MILR1: variants seen among roughly 807,000 people sequenced by gnomAD.
The protein encoded by MILR1 is allergin-1.
A neutral mutation model predicts 18.5 loss-of-function variants in MILR1; 31 were observed. That is an observed-to-expected ratio of 1.68 (90% CI 1.26 to 2.26). The LOEUF (loss-of-function observed/expected upper bound fraction) is 2.26. Ranked by LOEUF, MILR1 falls within the 30% of genes most tolerant of loss-of-function variation. The pLI is 0.00. For synonymous variants in MILR1, 85 were observed against 56.2 expected (o/e 1.51, Z -2.30); for missense variants, 257 against 157.4 (o/e 1.63, Z -3.38).
At position 64,452,682 on chromosome 17, in the gene MILR1, A is replaced by G; in HGVS notation, c.183A>G (p.Lys61=). 1 of 473,716 alleles carries G rather than the reference A, an allele frequency of 2.1e-6. No homozygotes were observed. The allele number at this position is 473,716 out of a possible 1,614,324, so 29.3% of individuals were successfully genotyped here. The change falls in exon 3 of 10, where the codon AAA becomes AAG. Residue 61 remains lysine (K), a synonymous_variant. Transcript: ENST00000619286. ...NVSMFCSHKN[K]SLQITYSLFR... ...CTATGTTTTGTTCCCATAAGAACAA[A>G]TCACTGCAGATCACCTATTCATTGT...
chr17:64,457,306 G>C (rs1252179935), intron 3 of MILR1, 94 bp from the exon 4 acceptor site: 2 of 414,558 alleles, frequency 4.8e-6, no homozygotes, highest in Non-Finnish European at 8.7e-6. Context: ...TGGTTCCACA[G>C]CCTGGAGTGG....
At chr17:64,465,201 G>A (rs1598102694) in intron 5 of MILR1, among the ~76,000 whole-genome samples, 1 of 152,202 alleles carries the variant, frequency 6.6e-6, no homozygotes, top group East Asian at 1.9e-4. Context: ...GCTAGTTCAG[G>A]CATAATCTGA....
the MILR1 span, among the ~76,000 whole-genome samples, chr17:64,482,119 T>C: frequency 4.3e-3 from 630 of 145,256 alleles, 5 homozygotes; most frequent in African/African-American, 0.015. Context: ...TTTTTTTTTT[T>C]CTGAAGCAGG....
downstream of MILR1, among the ~76,000 whole-genome samples, chr17:64,471,606 G>A (rs1365963316): frequency 1.3e-5 from 2 of 152,208 alleles, no homozygotes; most frequent in African/African-American, 2.4e-5. Context: ...GGACACAGAG[G>A]TGGCAGATAC....
At chr17:64,496,789 G>A in the MILR1 span, 2 of 1,613,590 alleles carry the variant, frequency 1.2e-6, no homozygotes, top group South Asian at 1.1e-5. Flanking sequence ...CTCCAGACCC[G>A]GGGGCTTCTG....
chr17:64,482,041 C>T, the MILR1 span, among the ~76,000 whole-genome samples: 1 of 150,364 alleles, frequency 6.7e-6, no homozygotes, highest in African/African-American at 2.4e-5. Context: ...CTTTAACACA[C>T]TTCAAAATTA....
At chr17:64,486,514 A>G in the MILR1 span, among the ~76,000 whole-genome samples, 4 of 151,938 alleles carry the variant, frequency 2.6e-5, no homozygotes, top group Non-Finnish European at 5.9e-5. Flanking sequence ...GGCACACACC[A>G]CCATGTCTGG....
rs554083598 is a variant in MILR1 at position 64,466,632 on chromosome 17, G to A, written c.949G>A (p.Val317Met). The A allele has an allele frequency of 3.9e-5, 63 of 1,610,130 alleles. No homozygotes were observed. The highest frequency in any genetic ancestry group is 3.2e-4 in the Admixed American group (19 of 59,332). ...CCAGGAGCTACAGTATGCCACCCCCGTGTTCCAGGAGGTGGCACCAAGAGA... is the reference window on the plus strand; with the variant it reads ...CCAGGAGCTACAGTATGCCACCCCCATGTTCCAGGAGGTGGCACCAAGAGA... ...HSQELQYATP[V>M]FQEVAPREQE... is the part of the protein sequence containing the mutation. Residue 317 changes from valine (V) to methionine (M), a missense_variant, in exon 8 of 10, where the codon GTG (valine) becomes ATG (methionine). By Grantham distance (21) the Val-to-Met change is conservative. Coordinates refer to ENST00000619286, the MANE Select transcript of MILR1 (RefSeq NM_001085423.2).
chr17:64,494,584 G>A, the MILR1 span, among the ~76,000 whole-genome samples: 3 of 150,632 alleles, frequency 2.0e-5, no homozygotes, highest in Admixed American at 6.6e-5. Context: ...TCTTCCCCCC[G>A]CCCCCGACCT....
At chr17:64,493,633 C>T in the MILR1 span, among the ~76,000 whole-genome samples, 8 of 151,944 alleles carry the variant, frequency 5.3e-5, no homozygotes, top group African/African-American at 7.3e-5. Context: ...TACAGGCGCC[C>T]GCCACCACGC....
At chr17:64,491,736 T>C in the MILR1 span, 3 of 803,716 alleles carry the variant, frequency 3.7e-6, no homozygotes, top group Admixed American at 5.4e-5. Context: ...GCTCTTCATC[T>C]ACTGCCTTTC....
the MILR1 span, among the ~76,000 whole-genome samples, chr17:64,488,721 C>G: frequency 7.2e-5 from 11 of 152,092 alleles, no homozygotes; most frequent in South Asian, 2.1e-4. Context: ...AAATGTTCAC[C>G]AGTTAATAAG....
At chr17:64,488,104 CTA>C in the MILR1 span, among the ~76,000 whole-genome samples, 1 of 152,020 alleles carries the variant, frequency 6.6e-6, no homozygotes, top group African/African-American at 2.4e-5. Context: ...TGGTTTACGC[CTA>C]TAATCCCAGC....
At chr17:64,486,259 G>T in the MILR1 span, among the ~76,000 whole-genome samples, 1 of 152,076 alleles carries the variant, frequency 6.6e-6, no homozygotes, top group East Asian at 1.9e-4. Context: ...GATTCTGAAC[G>T]AACTCAACTG....
intron 2 of MILR1, among the ~76,000 whole-genome samples, chr17:64,452,095 TTTGTTCTG>T (rs2037187171): frequency 4.0e-5 from 6 of 149,052 alleles, no homozygotes; most frequent in East Asian, 1.9e-4. Flanking sequence ...TTTTTTTTTT[TTTGTTCTG>T]TTTTGTTTTT....
the MILR1 span, chr17:64,485,956 G>A: frequency 1.5e-6 from 2 of 1,346,124 alleles, no homozygotes; most frequent in Non-Finnish European, 1.0e-6. Flanking sequence ...TCTGTCACCT[G>A]GCCAGGCTGG....
chr17:64,468,022 G>T (rs782134391), intron 9 of MILR1: 2 of 328,098 alleles, frequency 6.1e-6, no homozygotes, highest in Admixed American at 4.4e-5. Context: ...AATGCCAAAG[G>T]TGTGCCTTGA....
chr17:64,497,034 G>T, the MILR1 span: 2 of 1,488,428 alleles, frequency 1.3e-6, no homozygotes, highest in African/African-American at 1.4e-5. Flanking sequence ...CACCACTACC[G>T]TTAACAGAAT....
intron 4 of MILR1, 35 bp from the exon 5 acceptor site, chr17:64,460,787 T>C (rs1283087285): frequency 6.3e-6 from 3 of 473,302 alleles, no homozygotes; most frequent in Non-Finnish European, 1.2e-5. Flanking sequence ...GAAAAGAAAA[T>C]GCTATGGTCA....
Sources: allele counts gnomAD v4.1 joint callset (sites outside exome capture counted in the v4.1 genomes callset), GRCh38; gene constraint gnomAD v4.1.1; transcripts MANE v1.5; gene names NCBI Gene and HGNC (gene_info 2026-07-23, HGNC 2026-07-21).